The following PKP4 variants were observed in gnomAD, a reference collection of about 807,000 sequenced individuals.
PKP4 encodes the protein plakophilin-4.
PKP4 carries 90 observed loss-of-function variants against 145.1 expected under a neutral mutation model. That is an observed-to-expected ratio of 0.62 (90% CI 0.52 to 0.74). The LOEUF (loss-of-function observed/expected upper bound fraction) is 0.74, where lower values mean the gene tolerates loss of function less well. Among genes scored for constraint, PKP4 ranks in the 30% least tolerant of loss-of-function variants. The probability of loss-of-function intolerance (pLI) is 0.00; values close to 1 mark genes in which losing one functional copy is unlikely to be tolerated. For missense variants in PKP4, 1,340 were observed against 1,482.7 expected (o/e 0.90, Z 1.58); for synonymous variants, 563 against 577.2 (o/e 0.98, Z 0.35).
intron 1 of PKP4, among the ~76,000 whole-genome samples, chr2:158,522,721 G>A (rs958057050): frequency 4.6e-5 from 7 of 152,194 alleles, no homozygotes; most frequent in South Asian, 2.1e-4. Context: ...CTGAGGTACC[G>A]GGTTCATCTC....
At chr2:158,549,861 C>T (rs552441372) in intron 2 of PKP4, among the ~76,000 whole-genome samples, 56 of 152,086 alleles carry the variant, frequency 3.7e-4, no homozygotes, top group Admixed American at 5.9e-4. Context: ...TGCTTAAATT[C>T]TGTGAATTTA....
chr2:158,620,292 A>G (rs1238377966), intron 4 of PKP4, among the ~76,000 whole-genome samples: 1 of 152,244 alleles, frequency 6.6e-6, no homozygotes, highest in Non-Finnish European at 1.5e-5. Context: ...AGTTTACGGC[A>G]TAAAAAACAG....
intron 6 of PKP4, 24 bp from the exon 7 acceptor site, chr2:158,624,854 T>G: frequency 6.5e-7 from 1 of 1,542,346 alleles, no homozygotes; most frequent in South Asian, 1.3e-5. Context: ...AAACCCATTC[T>G]CTTTTTTCCC....
chr2:158,505,079 T>G (rs757272185), intron 1 of PKP4, among the ~76,000 whole-genome samples: 2 of 152,226 alleles, frequency 1.3e-5, no homozygotes, highest in African/African-American at 2.4e-5. Context: ...GATAGCATGC[T>G]ATAGAATAAT....
At chr2:158,487,821 A>G (rs926418688) in intron 1 of PKP4, among the ~76,000 whole-genome samples, 1 of 151,664 alleles carries the variant, frequency 6.6e-6, no homozygotes, top group Non-Finnish European at 1.5e-5. Flanking sequence ...GGGAGGGAGG[A>G]AGGAAGGGAG....
intron 1 of PKP4, among the ~76,000 whole-genome samples, chr2:158,506,803 T>C (rs902041994): frequency 6.6e-6 from 1 of 152,228 alleles, no homozygotes; most frequent in Non-Finnish European, 1.5e-5. Flanking sequence ...AATGGAACTT[T>C]TACCCGATTC....
chr2:158,506,626 G>A (rs1049065126), intron 1 of PKP4, among the ~76,000 whole-genome samples: 1 of 152,064 alleles, frequency 6.6e-6, no homozygotes, highest in African/African-American at 2.4e-5. Flanking sequence ...ATACTGTTCT[G>A]TTATTTTTGA....
chr2:158,493,168 A>G (rs535671193), intron 1 of PKP4, among the ~76,000 whole-genome samples: 38 of 152,140 alleles, frequency 2.5e-4, no homozygotes, highest in African/African-American at 8.9e-4. Context: ...TTAATTTTAG[A>G]TATTATCTAT....
chr2:158,484,441 G>T (rs1693875003), intron 1 of PKP4, among the ~76,000 whole-genome samples: 2 of 152,248 alleles, frequency 1.3e-5, no homozygotes, highest in African/African-American at 4.8e-5. Flanking sequence ...GCTGTTGCAA[G>T]TGTCCGTTGC....
intron 2 of PKP4, among the ~76,000 whole-genome samples, chr2:158,559,720 T>G (rs1574482493): frequency 1.3e-5 from 2 of 152,204 alleles, no homozygotes; most frequent in Admixed American, 1.3e-4. Context: ...GAGTTTTTTT[T>G]GTTTTTTAGT....
At chr2:158,545,353 G>A (rs1190903678) in intron 2 of PKP4, among the ~76,000 whole-genome samples, 3 of 152,088 alleles carry the variant, frequency 2.0e-5, no homozygotes, top group Non-Finnish European at 4.4e-5. Flanking sequence ...GGACGAGAAA[G>A]AAAGGGAGGT....
intron 11 of PKP4, among the ~76,000 whole-genome samples, chr2:158,643,729 G>GA (rs371078811): frequency 1.7e-4 from 23 of 136,148 alleles, no homozygotes; most frequent in East Asian, 1.3e-3. Flanking sequence ...AAAAAAAAAA[G>GA]AAAAGAAAAC....
chr2:158,487,473 T>C (rs905104972), intron 1 of PKP4, among the ~76,000 whole-genome samples: 1 of 152,212 alleles, frequency 6.6e-6, no homozygotes, highest in Non-Finnish European at 1.5e-5. Context: ...AATTTTCTGA[T>C]GTATAAAGAA....
At chr2:158,493,203 C>A (rs1306041141) in intron 1 of PKP4, among the ~76,000 whole-genome samples, 1 of 152,062 alleles carries the variant, frequency 6.6e-6, no homozygotes, top group Admixed American at 6.5e-5. Context: ...AGATGAGAAT[C>A]TCTGCCTTAT....
At chr2:158,482,337 CA>C (rs1355427911) in intron 1 of PKP4, among the ~76,000 whole-genome samples, 2 of 152,134 alleles carry the variant, frequency 1.3e-5, no homozygotes, top group Admixed American at 1.3e-4. Context: ...CTTTCCAAGA[CA>C]TGGTCTTGCT....
rs769476623 is a variant in PKP4, at chr2:158,666,437, G to A, written c.2602G>A (p.Val868Ile). The change falls in exon 16 of 22, where the codon GTC becomes ATC. Residue 868 changes from valine to isoleucine, a missense_variant. Coordinates refer to ENST00000389759, the MANE Select transcript of PKP4 (RefSeq NM_003628.6). Reference sequence around the variant, plus strand: ...GTTTGCAGCATATATCCGGGCGGCCGTCCGAAAAGAAAAGGGGCTCCCCAT... The same window carrying A: ...GTTTGCAGCATATATCCGGGCGGCCATCCGAAAAGAAAAGGGGCTCCCCAT... ...WKFAAYIRAAVRKEKGLPILV... is the reference protein window; with the variant it reads ...WKFAAYIRAAIRKEKGLPILV... 22 of 1,605,968 alleles carry A rather than the reference G, an allele frequency of 1.4e-5. No individual in the cohort carries two copies. The highest frequency in any genetic ancestry group is 3.4e-5 in the Admixed American group (2 of 58,106).
At chr2:158,590,349 G>GTGTGTA (rs2049156989) in intron 3 of PKP4, among the ~76,000 whole-genome samples, 3 of 135,954 alleles carry the variant, frequency 2.2e-5, no homozygotes, top group East Asian at 2.0e-4. Context: ...GTGTGTGTGT[G>GTGTGTA]TGTGTGTGTA....
Position 158,568,272 on chromosome 2 carries a change from A to C in PKP4, c.133-8999A>C, listed in dbSNP as rs372353574. Among the ~76,000 whole-genome samples, 277 of 152,344 alleles carry C rather than the reference A, an allele frequency of 1.8e-3. 2 individuals carry two copies. The highest frequency in any genetic ancestry group is 6.2e-3 in the African/African-American group (257 of 41,590). ...AGAATCACTTGAACCCGGGAGGCAG[A>C]GGTTGCAGTGAGCTGAGATCGTGCC... On this transcript the variant is annotated intron_variant, in intron 2 of 21. Coordinates refer to ENST00000389759, the MANE Select transcript of PKP4 (RefSeq NM_003628.6).
chr2:158,661,156 G>A, intron 12 of PKP4, 177 bp from the exon 13 acceptor site: 1 of 527,440 alleles, frequency 1.9e-6, no homozygotes. Context: ...TGTGGATAAT[G>A]GGGAGCGGGC....
Sources: allele counts gnomAD v4.1 joint callset (sites outside exome capture counted in the v4.1 genomes callset), GRCh38; gene constraint gnomAD v4.1.1; transcripts MANE v1.5; gene names NCBI Gene and HGNC (gene_info 2026-07-23, HGNC 2026-07-21).